The following CELF4 variants were observed in gnomAD, a reference collection of about 807,000 sequenced individuals.
The protein encoded by CELF4 is CUGBP Elav-like family member 4, also known as CUG-BP- and ETR-3-like factor 4.
A neutral mutation model predicts 59.9 loss-of-function variants in CELF4; 18 were observed. That is an observed-to-expected ratio of 0.30 (90% CI 0.21 to 0.45). The LOEUF (loss-of-function observed/expected upper bound fraction) is 0.45, where lower values mean the gene tolerates loss of function less well. Among genes scored for constraint, CELF4 ranks in the 20% least tolerant of loss-of-function variants. CELF4 has a pLI of 1.00. For missense variants in CELF4, 456 were observed against 689.0 expected, an observed-to-expected ratio of 0.66 and a Z score of 3.79; for synonymous variants, 261 against 267.1, an observed-to-expected ratio of 0.98 and a Z score of 0.22.
At chr18:37,401,139 G>A (rs1473722704) in intron 2 of CELF4, among the ~76,000 whole-genome samples, 2 of 152,244 alleles carry the variant, frequency 1.3e-5, no homozygotes, top group Non-Finnish European at 2.9e-5. Flanking sequence ...TGGGATGAAT[G>A]CTCAGGCTCC....
intron 1 of CELF4, among the ~76,000 whole-genome samples, chr18:37,493,716 A>G (rs766699035): frequency 1.3e-5 from 2 of 152,070 alleles, no homozygotes; most frequent in African/African-American, 2.4e-5. Context: ...CCCTAAGCCA[A>G]TGCATCAGAG....
intron 11 of CELF4, among the ~76,000 whole-genome samples, chr18:37,258,025 A>G (rs2071217611): frequency 6.6e-6 from 1 of 152,162 alleles, no homozygotes; most frequent in Non-Finnish European, 1.5e-5. Flanking sequence ...CACATCAACA[A>G]TAAATACTTT....
chr18:37,403,970 C>A (rs1477470310), intron 2 of CELF4, among the ~76,000 whole-genome samples: 1 of 152,138 alleles, frequency 6.6e-6, no homozygotes, highest in African/African-American at 2.4e-5. Context: ...CATGGCTTTG[C>A]CCCCCGCTGT....
intron 2 of CELF4, among the ~76,000 whole-genome samples, chr18:37,434,568 G>A (rs865868414): frequency 2.6e-5 from 4 of 152,194 alleles, no homozygotes; most frequent in Non-Finnish European, 2.9e-5. Flanking sequence ...GAAGAGCAGC[G>A]AGGAGATGGA....
intron 2 of CELF4, among the ~76,000 whole-genome samples, chr18:37,346,956 GC>G (rs1189353316): frequency 6.6e-6 from 1 of 152,206 alleles, no homozygotes; most frequent in Middle Eastern, 3.4e-3. Context: ...GCTGACCTGA[GC>G]CTCTGAGAAC....
intron 2 of CELF4, among the ~76,000 whole-genome samples, chr18:37,387,540 G>A (rs2099112530): frequency 1.3e-5 from 2 of 152,196 alleles, no homozygotes; most frequent in African/African-American, 2.4e-5. Flanking sequence ...TCTCCACCCC[G>A]AGAGGACTGA....
intron 1 of CELF4, among the ~76,000 whole-genome samples, chr18:37,508,084 G>A (rs1197975464): frequency 6.6e-6 from 1 of 152,170 alleles, no homozygotes; most frequent in Non-Finnish European, 1.5e-5. Flanking sequence ...CCTCCTCTCC[G>A]CTTTTCCCTG....
chr18:37,441,154 G>A (rs1013590818), intron 2 of CELF4, among the ~76,000 whole-genome samples: 1 of 152,184 alleles, frequency 6.6e-6, no homozygotes, highest in Admixed American at 6.5e-5. Context: ...TGTTTTTAAA[G>A]ATCTCCCAGC....
chr18:37,526,746 C>G (rs75683490), intron 1 of CELF4, among the ~76,000 whole-genome samples: 1,532 of 152,286 alleles, frequency 0.01, 30 homozygotes, highest in African/African-American at 0.035. Context: ...GAAAGGGGTC[C>G]CTGCACTTTC....
chr18:37,351,684 C>T (rs926248837), intron 2 of CELF4, among the ~76,000 whole-genome samples: 1 of 150,688 alleles, frequency 6.6e-6, no homozygotes, highest in Non-Finnish European at 1.5e-5. Context: ...GATCTTGGCT[C>T]ACTGCAGCCT....
intron 2 of CELF4, among the ~76,000 whole-genome samples, chr18:37,357,630 T>C (rs1355806389): frequency 6.6e-6 from 1 of 152,046 alleles, no homozygotes; most frequent in African/African-American, 2.4e-5. Flanking sequence ...CCCAGAAAGG[T>C]AGATCCACCA....
chr18:37,451,363 T>C (rs1021440645), intron 2 of CELF4, among the ~76,000 whole-genome samples: 1 of 152,038 alleles, frequency 6.6e-6, no homozygotes, highest in African/African-American at 2.4e-5. Context: ...TGTGTATCTG[T>C]GCGTGTGTGT....
At chr18:37,291,167 C>T (rs945674252) in intron 3 of CELF4, among the ~76,000 whole-genome samples, 1 of 152,082 alleles carries the variant, frequency 6.6e-6, no homozygotes, top group African/African-American at 2.4e-5. Context: ...CCTCGGCCTC[C>T]CAAAGTGCTG....
At chr18:37,331,095 C>T (rs2097527121) in intron 2 of CELF4, among the ~76,000 whole-genome samples, 1 of 152,178 alleles carries the variant, frequency 6.6e-6, no homozygotes, top group Non-Finnish European at 1.5e-5. Flanking sequence ...CACATACCGG[C>T]ACGTAGGCCC....
In CELF4 at chr18:37,264,729, C is replaced by G; in HGVS notation, c.1194G>C (p.Gln398His). The change falls in exon 10 of 13, where the codon CAG (glutamine) becomes CAC (histidine). Residue 398 changes from glutamine (Q) to histidine (H), a missense_variant. Gln to His is a conservative substitution (Grantham distance 24, BLOSUM62 0). Coordinates refer to ENST00000420428, the MANE Select transcript of CELF4 (RefSeq NM_020180.4). ...GPAAYPAAYG[Q>H]ISQAFPQPPP... ...GCGGCTGAGGAAAGGCCTGGCTTAT[C>G]TGACCATAGGCAGCAGGGTAGGCAG... The G allele has an allele frequency of 6.3e-7, 1 of 1,580,084 alleles. No homozygotes were observed. The highest frequency in any genetic ancestry group is 8.6e-7 in the Non-Finnish European group (1 of 1,162,198).
intron 1 of CELF4, among the ~76,000 whole-genome samples, chr18:37,557,210 C>T (rs574056618): frequency 6.6e-6 from 1 of 152,310 alleles, no homozygotes; most frequent in South Asian, 2.1e-4. Context: ...TGCACATAGT[C>T]GCTTGTGCAC....
At chr18:37,310,466 G>A (rs931591801) in intron 3 of CELF4, among the ~76,000 whole-genome samples, 1 of 152,140 alleles carries the variant, frequency 6.6e-6, no homozygotes, top group African/African-American at 2.4e-5. Flanking sequence ...CTGCAAAGTA[G>A]GCCCCCCATT....
chr18:37,369,150 C>CT (rs1164327484), intron 2 of CELF4, among the ~76,000 whole-genome samples: 2 of 152,220 alleles, frequency 1.3e-5, no homozygotes, highest in African/African-American at 4.8e-5. Flanking sequence ...GGCCAAAACT[C>CT]TTTTTCCTTT....
chr18:37,333,857 A>G (rs1305953419), intron 2 of CELF4, among the ~76,000 whole-genome samples: 3 of 151,980 alleles, frequency 2.0e-5, no homozygotes, highest in African/African-American at 7.3e-5. Context: ...TCTGTGTGCC[A>G]GGCCCTGTTC....
Sources: allele counts gnomAD v4.1 joint callset (sites outside exome capture counted in the v4.1 genomes callset), GRCh38; gene constraint gnomAD v4.1.1; transcripts MANE v1.5; gene names NCBI Gene and HGNC (gene_info 2026-07-23, HGNC 2026-07-21).